Variants in TNS4 observed in about 807,000 individuals in gnomAD.
TNS4 encodes the protein tensin-4.
A neutral mutation model predicts 70.4 loss-of-function variants in TNS4; 46 were observed. That is an observed-to-expected ratio of 0.65 (90% CI 0.52 to 0.84). The LOEUF is 0.84. TNS4 is among the 40% of genes least tolerant of loss of function. The pLI, the probability that TNS4 is intolerant of heterozygous loss-of-function variation, is 0.00. For synonymous variants in TNS4, 390 were observed against 366.6 expected, an observed-to-expected ratio of 1.06 and a Z score of -0.73; for missense variants, 863 against 907.0, an observed-to-expected ratio of 0.95 and a Z score of 0.62.
At chr17:40,489,953 TC>T (rs1035639014) in intron 2 of TNS4, among the ~76,000 whole-genome samples, 4 of 152,048 alleles carry the variant, frequency 2.6e-5, no homozygotes, top group Non-Finnish European at 5.9e-5. Flanking sequence ...TTGTTTGTTT[TC>T]CAGTTTTTCA....
intron 1 of TNS4, among the ~76,000 whole-genome samples, chr17:40,499,389 C>T (rs937603468): frequency 3.9e-5 from 6 of 152,278 alleles, no homozygotes; most frequent in Middle Eastern, 3.4e-3. Context: ...CTGATGCCCC[C>T]GGCCGAATAA....
chr17:40,480,962 T>C lies in TNS4; in HGVS notation c.1673-194A>G, dbSNP rs1000979430. On this transcript the variant is annotated intron_variant, in intron 8 of 12. Coordinates refer to ENST00000254051, the MANE Select transcript of TNS4 (RefSeq NM_032865.6). ...ACTTTGGGCTCCCTAAATGCTTAGT[T>C]TGCAACCCTTTTGATCTCTTCATCC... is the stretch of plus-strand genomic sequence containing the variant. The C allele has an allele frequency of 1.7e-5, 10 of 604,764 alleles. No individual in the cohort carries two copies. In the African/African-American group the frequency reaches 2.0e-4, roughly 12 times the overall value. 37.5% of individuals were successfully genotyped at this position (604,764 alleles called of 1,614,324 possible). A position where few individuals can be genotyped will look rare whatever the true frequency, so the allele number is the denominator to read the frequency against.
At chr17:40,497,419 C>T (rs2036159581) in intron 1 of TNS4, among the ~76,000 whole-genome samples, 1 of 152,106 alleles carries the variant, frequency 6.6e-6, no homozygotes, top group South Asian at 2.1e-4. Context: ...GCCTGGTGAA[C>T]ATGGTGAAAC....
At chr17:40,501,235 TCAGGAGTTTGAGAC>T (rs2143842580) in intron 1 of TNS4, among the ~76,000 whole-genome samples, 1 of 152,184 alleles carries the variant, frequency 6.6e-6, no homozygotes, top group East Asian at 1.9e-4. Context: ...TCACCTGAGG[TCAGGAGTTTGAGAC>T]CAGCCTGGCC....
rs1362389898 is a variant in TNS4 at position 40,482,406 on chromosome 17, G to T, written c.1512C>A (p.Ser504Arg). 2 of 1,613,796 alleles carry T rather than the reference G, an allele frequency of 1.2e-6. No homozygotes were observed. The highest frequency in any genetic ancestry group is 1.7e-6 in the Non-Finnish European group (2 of 1,179,950). Residue 504 changes from serine (S) to arginine (R), a missense_variant, in exon 7 of 13, where the codon AGC (serine) becomes AGA (arginine). Ser to Arg is a moderately radical substitution (Grantham distance 110, BLOSUM62 -1). Coordinates refer to ENST00000254051, the MANE Select transcript of TNS4 (RefSeq NM_032865.6). ...TGAGGAAGTGTCGGATGAGGTCATTGCTGTCCTCACCTGGACAGAGAAGAA... is the reference window on the plus strand; with the variant it reads ...TGAGGAAGTGTCGGATGAGGTCATTTCTGTCCTCACCTGGACAGAGAAGAA... The part of the protein sequence containing the change: ...ASAQSRPGED[S>R]NDLIRHFLIE...
At chr17:40,486,553 T>G (rs1322834775) in intron 4 of TNS4, among the ~76,000 whole-genome samples, 14 of 151,806 alleles carry the variant, frequency 9.2e-5, no homozygotes, top group Non-Finnish European at 1.8e-4. Flanking sequence ...TTTTTTTAGC[T>G]TGGCATTTAA....
chr17:40,499,806 C>G (rs1464973813), intron 1 of TNS4, among the ~76,000 whole-genome samples: 1 of 152,232 alleles, frequency 6.6e-6, no homozygotes, highest in African/African-American at 2.4e-5. Context: ...CTGGGCGCTC[C>G]CTGCAGGGTT....
chr17:40,486,064 C>G (rs551433781), intron 4 of TNS4, among the ~76,000 whole-genome samples: 1 of 152,020 alleles, frequency 6.6e-6, no homozygotes, highest in Admixed American at 6.5e-5. Context: ...CCCCGATGGC[C>G]GAGGGAGGGG....
chr17:40,482,394 G>T lies in TNS4; in HGVS notation c.1524C>A (p.Ile508=). ...SRPGEDSNDL[I]RHFLIESSAK... ...CAGACGACTCGATGAGGAAGTGTCG[G>T]ATGAGGTCATTGCTGTCCTCACCTG... is the stretch of plus-strand genomic sequence containing the variant. The change falls in exon 7 of 13, where the codon ATC becomes ATA. Residue 508 remains isoleucine (I), a synonymous_variant. Coordinates refer to ENST00000254051, the MANE Select transcript of TNS4 (RefSeq NM_032865.6). 2 of 1,614,068 alleles carry T rather than the reference G, an allele frequency of 1.2e-6. No homozygotes were observed. Among genetic ancestry groups the T allele is most frequent in the Non-Finnish European group, 1.7e-6 (2 of 1,180,014 alleles).
rs138694981 is a variant in TNS4, at chr17:40,484,952, G to A, written c.1344C>T (p.Tyr448=). The A allele has an allele frequency of 2.5e-4, 410 of 1,614,220 alleles. No homozygotes were observed. Among genetic ancestry groups the A allele is most frequent in the Non-Finnish European group, 3.0e-4 (359 of 1,180,050 alleles). ...TMKFVMDTSK[Y]WFKPNITREQ... is the part of the protein sequence containing the mutation. ...CTCGGGTGATGTTTGGCTTAAACCA[G>A]TATTTAGATGTGTCCATCACGAACT... Residue 448 remains tyrosine (Y), a synonymous_variant, in exon 5 of 13, where the codon TAC becomes TAT. Coordinates refer to ENST00000254051, the MANE Select transcript of TNS4 (RefSeq NM_032865.6).
chr17:40,499,268 C>T lies in TNS4; in HGVS notation c.-96+2266G>A, dbSNP rs943985978. Among the ~76,000 whole-genome samples the T allele has an allele frequency of 3.9e-5, 6 of 152,252 alleles. No individual in the cohort carries two copies. In the South Asian group the frequency reaches 8.3e-4, roughly 21 times the overall value. On this transcript the variant is annotated intron_variant, in intron 1 of 12. Transcript: ENST00000254051. ...GCAGCCCCCAGTCACGTACCCCCTG[C>T]TTGCTCAATTGATCACGACCCTCTC...
In TNS4 at chr17:40,480,455, T is replaced by A. The variant is rs905903287; in HGVS notation, c.1741+245A>T. On this transcript the variant is annotated intron_variant, in intron 9 of 12. Coordinates refer to ENST00000254051, the MANE Select transcript of TNS4 (RefSeq NM_032865.6). ...ATGCCCATGTGTGTGCAGGAGGGAC[T>A]GTAAGTTCTGCCACTCCCCCCACCC... Among the ~76,000 whole-genome samples, 6 of 152,258 alleles carry A rather than the reference T, an allele frequency of 3.9e-5. No individual in the cohort carries two copies. In the East Asian group the frequency reaches 1.2e-3, roughly 29 times the overall value.
chr17:40,477,785 G>A (rs926930438), intron 12 of TNS4, 56 bp from the exon 13 acceptor site: 1 of 1,585,826 alleles, frequency 6.3e-7, no homozygotes, highest in Non-Finnish European at 8.6e-7. Flanking sequence ...CATCAGGCTG[G>A]TGGGAATGGG....
In TNS4 at chr17:40,478,168, C is replaced by T. The variant is rs563019691; in HGVS notation, c.2006+139G>A. 27 of 1,128,378 alleles carry T rather than the reference C, an allele frequency of 2.4e-5. 1 individual carries two copies. In the South Asian group the frequency reaches 3.1e-4, roughly 13 times the overall value. The allele number at this position is 1,128,378 out of a possible 1,614,324, so 69.9% of individuals were successfully genotyped here. A position where few individuals can be genotyped will look rare whatever the true frequency, so the allele number is the denominator to read the frequency against. On this transcript the variant is annotated intron_variant, in intron 12 of 12. Transcript: ENST00000254051. ...CTCTGAGGGCAGTCAAAGTCTTTCC[C>T]ATCAGATGGGAGCTCCCTGAGGACC...
intron 11 of TNS4, 101 bp downstream of exon 11, chr17:40,478,479 A>G: frequency 3.2e-6 from 5 of 1,558,680 alleles, no homozygotes; most frequent in Middle Eastern, 1.8e-4. Flanking sequence ...CTTGAGGTTC[A>G]CAGGCTCCCT....
Position 40,488,602 on chromosome 17 carries a change from G to A in TNS4, c.807C>T (p.Ser269=). The change falls in exon 3 of 13, where the codon AGC becomes AGT. Residue 269 remains serine, a synonymous_variant. Coordinates refer to ENST00000254051, the MANE Select transcript of TNS4 (RefSeq NM_032865.6). The part of the protein sequence containing the change: ...RLGGLAPQRG[S]RISVLSASPV... ...GGCTGGCTGACAGCACAGAGATCCTGCTGCCCCGCTGTGGGGCCAGGCCTC... is the reference window on the plus strand; with the variant it reads ...GGCTGGCTGACAGCACAGAGATCCTACTGCCCCGCTGTGGGGCCAGGCCTC... 6.6e-7 allele frequency: 1 copy of A among 1,515,568 alleles called. No homozygotes were observed. The highest frequency in any genetic ancestry group is 8.8e-7 in the Non-Finnish European group (1 of 1,132,218). The allele number at this position is 1,515,568 out of a possible 1,614,324, so 93.9% of individuals were successfully genotyped here.
chr17:40,485,053 G>A, intron 4 of TNS4, 46 bp from the exon 5 acceptor site: 1 of 1,542,358 alleles, frequency 6.5e-7, no homozygotes, highest in Non-Finnish European at 9.0e-7. Flanking sequence ...GGACAGACGG[G>A]AGCTGAGGGA....
chr17:40,478,431 C>T, intron 11 of TNS4, 98 bp from the exon 12 acceptor site: 1 of 1,531,692 alleles, frequency 6.5e-7, no homozygotes, highest in Non-Finnish European at 8.9e-7. Flanking sequence ...CCCCACCCCA[C>T]CATGCCCCAC....
intron 2 of TNS4, among the ~76,000 whole-genome samples, chr17:40,494,480 C>T (rs1555594024): frequency 6.6e-6 from 1 of 152,116 alleles, no homozygotes; most frequent in Non-Finnish European, 1.5e-5. Context: ...ACCTGTAATC[C>T]CAGCACTTTG....
Sources: allele counts gnomAD v4.1 joint callset (sites outside exome capture counted in the v4.1 genomes callset), GRCh38; gene constraint gnomAD v4.1.1; transcripts MANE v1.5; gene names NCBI Gene and HGNC (gene_info 2026-07-23, HGNC 2026-07-21).